HSPA12A: variants seen among roughly 807,000 people sequenced by gnomAD.
HSPA12A encodes heat shock protein family A (Hsp70) member 12A, also known as heat shock 70 kDa protein 12A.
In HSPA12A, 28 loss-of-function variants were observed where a neutral mutation model predicts 69.2. The observed-to-expected ratio is 0.40, with a 90% confidence interval of 0.30 to 0.55. The LOEUF is 0.55. Ranked by LOEUF, HSPA12A falls within the 20% of genes least tolerant of loss-of-function variation. The pLI is 0.38. For missense variants in HSPA12A, 686 were observed against 900.7 expected, an observed-to-expected ratio of 0.76 and a Z score of 3.05; for synonymous variants, 345 against 370.5, an observed-to-expected ratio of 0.93 and a Z score of 0.79.
intron 2 of HSPA12A, among the ~76,000 whole-genome samples, chr10:116,797,650 T>C (rs887817403): frequency 1.3e-5 from 2 of 152,090 alleles, no homozygotes; most frequent in African/African-American, 4.8e-5. Context: ...AGAAGCTGTT[T>C]AGTAGATGAA....
At chr10:116,849,884 G>C (rs565029626), upstream of HSPA12A, 24 of 854,602 alleles carry the variant, frequency 2.8e-5, no homozygotes, top group Non-Finnish European at 4.4e-5. Context: ...CTTCTGGAGG[G>C]AAGGAGCGGG....
Position 116,830,607 on chromosome 10 carries a change from A to C in HSPA12A, c.91+4328T>G, listed in dbSNP as rs908323969. ...CAACATGGTGAAACCCCATCTCTACAAAAAAAAATTCAAAAATTAGCCAGA... is the reference window on the plus strand; with the variant it reads ...CAACATGGTGAAACCCCATCTCTACCAAAAAAAATTCAAAAATTAGCCAGA... On this transcript the variant is annotated intron_variant, in intron 2 of 12. Coordinates refer to the HSPA12A transcript ENST00000635765. The C allele has an allele frequency of 3.3e-5, 5 of 151,210 alleles. No homozygotes were observed. The East Asian group carries it at 9.7e-4, about 29-fold the overall frequency. 9.4% of individuals were successfully genotyped at this position (151,210 alleles called of 1,614,324 possible). A position where few individuals can be genotyped will look rare whatever the true frequency, so the allele number is the denominator to read the frequency against.
In HSPA12A at chr10:116,804,209, C is replaced by T. The variant is rs550101242; in HGVS notation, c.91+30726G>A. On this transcript the variant is annotated intron_variant, in intron 2 of 12. Coordinates refer to the HSPA12A transcript ENST00000635765. ...ACTCATTATTCTTATTTTCACCTGA[C>T]GACGGGACGAATCTGCTCGCTTGTG... Among the ~76,000 whole-genome samples, 10 of 152,242 alleles carry T rather than the reference C, an allele frequency of 6.6e-5. No homozygotes were observed. In the South Asian group the frequency reaches 2.1e-3, roughly 32 times the overall value.
At chr10:116,817,627 T>A (rs1428748652) in intron 2 of HSPA12A, among the ~76,000 whole-genome samples, 1 of 152,080 alleles carries the variant, frequency 6.6e-6, no homozygotes, top group Admixed American at 6.5e-5. Flanking sequence ...AGGCTGCCAA[T>A]AGAATGAAGA....
intron 7 of HSPA12A, among the ~76,000 whole-genome samples, chr10:116,682,557 A>G (rs1028398910): frequency 2.2e-4 from 34 of 152,222 alleles, no homozygotes; most frequent in Admixed American, 1.4e-3. Context: ...CTTTTCCATG[A>G]ACACAGGGAC....
intron 1 of HSPA12A, among the ~76,000 whole-genome samples, chr10:116,721,081 T>G (rs1850762469): frequency 1.3e-5 from 2 of 152,202 alleles, no homozygotes; most frequent in African/African-American, 2.4e-5. Flanking sequence ...ACTTCTTACT[T>G]TGTAAGTACA....
intron 2 of HSPA12A, among the ~76,000 whole-genome samples, chr10:116,760,123 T>C (rs1185567244): frequency 1.3e-5 from 2 of 152,352 alleles, no homozygotes; most frequent in South Asian, 2.1e-4. Flanking sequence ...CACCTATTTT[T>C]GCTCTGAAGG....
intron 2 of HSPA12A, 90 bp from the exon 3 acceptor site, chr10:116,705,368 G>A (rs1850212134): frequency 7.1e-7 from 1 of 1,411,898 alleles, no homozygotes; most frequent in Non-Finnish European, 1.0e-6. Flanking sequence ...TTGCCTAGCT[G>A]TGAACCCCCT....
rs147057931 is a variant in HSPA12A at position 116,729,957 on chromosome 10, C to T, written c.40+12473G>A. ...AAAGATGGCCAGGCGTGGTGGCTTA[C>T]GCCTGTAATCCCAGCACTTTGGGAG... is the stretch of plus-strand genomic sequence containing the variant. On this transcript the variant is annotated intron_variant, in intron 1 of 11. Coordinates refer to ENST00000369209, the MANE Select transcript of HSPA12A (RefSeq NM_025015.3). Among the ~76,000 whole-genome samples the T allele has an allele frequency of 3.2e-3, 486 of 152,328 alleles. 3 individuals carry two copies. Among genetic ancestry groups the T allele is most frequent in the Admixed American group, 6.0e-3 (91 of 15,294 alleles).
At chr10:116,824,107 A>G (rs1040767856) in intron 2 of HSPA12A, among the ~76,000 whole-genome samples, 13 of 152,268 alleles carry the variant, frequency 8.5e-5, no homozygotes, top group African/African-American at 2.7e-4. Flanking sequence ...CTGAACAGAT[A>G]TATCTACAAA....
intron 2 of HSPA12A, among the ~76,000 whole-genome samples, chr10:116,817,887 T>C (rs1564829710): frequency 6.6e-6 from 1 of 152,202 alleles, no homozygotes; most frequent in East Asian, 1.9e-4. Flanking sequence ...GCAGTTCGGT[T>C]GCCCTGGTCA....
intron 2 of HSPA12A, among the ~76,000 whole-genome samples, chr10:116,787,440 CA>C (rs776783179): frequency 0.21 from 14,253 of 68,634 alleles, 463 homozygotes; most frequent in East Asian, 0.31. Context: ...CTCTAGCCAG[CA>C]AAAAAAAAAA....
intron 6 of HSPA12A, 23 bp downstream of exon 6, chr10:116,692,328 A>G: frequency 1.3e-6 from 2 of 1,591,716 alleles, no homozygotes; most frequent in Non-Finnish European, 1.7e-6. Context: ...TCCGGCTTCC[A>G]CCCGCCCTGA....
chr10:116,686,980 T>C lies in HSPA12A; in HGVS notation c.664-3018A>G, dbSNP rs534072556. 6.6e-6 allele frequency among the ~76,000 whole-genome samples: 1 copy of C among 152,274 alleles called. No homozygotes were observed. Among genetic ancestry groups the C allele is most frequent in the Admixed American group, 6.5e-5 (1 of 15,294 alleles). ...AACTCTGACTTAGATGGGAAATCTT[T>C]ATATGGAAATTCAGATCCAGCAGTC... On this transcript the variant is annotated intron_variant, in intron 6 of 11. Transcript: ENST00000369209. This position sits in a 1 kb window ranked among gnomAD's most constrained non-coding sequence, Gnocchi z 4.1.
chr10:116,770,932 C>A (rs1163995274), intron 2 of HSPA12A, among the ~76,000 whole-genome samples: 1 of 151,248 alleles, frequency 6.6e-6, no homozygotes, highest in African/African-American at 2.4e-5. Flanking sequence ...AGAATGACTT[C>A]TTTTGGCTGC....
intron 2 of HSPA12A, among the ~76,000 whole-genome samples, chr10:116,816,837 A>G (rs1845315971): frequency 6.6e-6 from 1 of 152,126 alleles, no homozygotes. Flanking sequence ...TGGGTTACAA[A>G]ACGCTTCCAA....
intron 2 of HSPA12A, among the ~76,000 whole-genome samples, chr10:116,757,505 A>G (rs113325903): frequency 2.0e-5 from 3 of 152,292 alleles, no homozygotes; most frequent in African/African-American, 7.2e-5. Context: ...AGTGAGAGGG[A>G]GGCACTCCAG....
rs553967282 is a variant in HSPA12A at position 116,694,599 on chromosome 10, C to T, written c.547-2132G>A. On this transcript the variant is annotated intron_variant, in intron 5 of 11. Transcript: ENST00000369209. ...TCCTTTCCTGTTGGCAAATTTGAAA[C>T]GCACCAACATCCTGGGCTTTCTGAG... Among the ~76,000 whole-genome samples the T allele has an allele frequency of 1.1e-4, 17 of 152,178 alleles. 1 individual carries two copies. Among genetic ancestry groups the T allele is most frequent in the African/African-American group, 4.1e-4 (17 of 41,514 alleles).
At chr10:116,745,221 TGGCA>T (rs1230993919), upstream of HSPA12A, among the ~76,000 whole-genome samples, 1 of 152,228 alleles carries the variant, frequency 6.6e-6, no homozygotes, top group Non-Finnish European at 1.5e-5. Context: ...GCCTGGTACA[TGGCA>T]GGCACTTAAT....
Sources: gnomAD v4.1 joint callset for allele counts (sites outside exome capture counted in the v4.1 genomes callset) on GRCh38, gnomAD v4.1.1 for gene constraint, Gnocchi (gnomAD v3.1) non-coding constraint, MANE v1.5 for transcripts, NCBI Gene and HGNC (gene_info 2026-07-23, HGNC 2026-07-21) for gene names.